The following ARSB variants were observed in gnomAD, a reference collection of about 807,000 sequenced individuals.
ARSB encodes the protein arylsulfatase B.
A neutral mutation model predicts 50.9 loss-of-function variants in ARSB; 41 were observed. The observed-to-expected ratio is 0.81, with a 90% CI of 0.63 to 1.04. The LOEUF is 1.04. Ranked by LOEUF, ARSB falls within the 50% of genes least tolerant of loss-of-function variation. ARSB has a pLI of 0.00. For missense variants in ARSB, 672 were observed against 693.3 expected, an observed-to-expected ratio of 0.97 and a Z score of 0.35; for synonymous variants, 269 against 284.8, an observed-to-expected ratio of 0.94 and a Z score of 0.56.
intron 5 of ARSB, among the ~76,000 whole-genome samples, chr5:78,866,551 G>C (rs1349717953): frequency 6.6e-6 from 1 of 152,196 alleles, no homozygotes; most frequent in African/African-American, 2.4e-5. Flanking sequence ...TGTTGATAGA[G>C]GTCTCATACC....
intron 4 of ARSB, among the ~76,000 whole-genome samples, chr5:78,936,121 C>T (rs1300671779): frequency 7.5e-5 from 7 of 93,338 alleles, no homozygotes; most frequent in African/African-American, 3.2e-4. Context: ...CCCTTCCTCT[C>T]TCTCTCTCTT....
At chr5:78,804,026 G>A (rs1036900588) in intron 6 of ARSB, among the ~76,000 whole-genome samples, 1 of 152,196 alleles carries the variant, frequency 6.6e-6, no homozygotes, top group Admixed American at 6.5e-5. Flanking sequence ...CAGTCCTGCT[G>A]AGTGAAAGGT....
chr5:78,858,545 A>C (rs1294342582), intron 5 of ARSB, among the ~76,000 whole-genome samples: 2 of 152,224 alleles, frequency 1.3e-5, no homozygotes, highest in Non-Finnish European at 2.9e-5. Flanking sequence ...AGGGTGGGGC[A>C]ACAAAACATT....
chr5:78,781,197 A>G, intron 7 of ARSB, among the ~76,000 whole-genome samples: 1 of 152,036 alleles, frequency 6.6e-6, no homozygotes, highest in East Asian at 1.9e-4. Context: ...TCTCTTTGTT[A>G]GCTAAATGTG....
At chr5:78,945,931 A>T (rs1407768301) in intron 4 of ARSB, among the ~76,000 whole-genome samples, 1 of 152,170 alleles carries the variant, frequency 6.6e-6, no homozygotes, top group African/African-American at 2.4e-5. Context: ...TATTGTGTGC[A>T]GACAGCACCC....
chr5:78,894,345 A>G (rs1748470946), intron 4 of ARSB, among the ~76,000 whole-genome samples: 1 of 152,248 alleles, frequency 6.6e-6, no homozygotes, highest in African/African-American at 2.4e-5. Context: ...TGTCTTTATG[A>G]TTCCAAGTAT....
At chr5:78,968,315 T>TA (rs1392315781) in intron 2 of ARSB, among the ~76,000 whole-genome samples, 5 of 143,128 alleles carry the variant, frequency 3.5e-5, no homozygotes, top group Non-Finnish European at 6.1e-5. Context: ...CATTTTTTAT[T>TA]TTATTATTAT....
At chr5:78,796,890 T>C (rs1029734177) in intron 6 of ARSB, among the ~76,000 whole-genome samples, 8 of 148,882 alleles carry the variant, frequency 5.4e-5, no homozygotes, top group Admixed American at 5.3e-4. Context: ...TTTTTTTTTT[T>C]TTTTTGAGAC....
intron 3 of ARSB, among the ~76,000 whole-genome samples, chr5:78,960,796 C>A (rs1207017635): frequency 6.6e-6 from 1 of 152,172 alleles, no homozygotes; most frequent in African/African-American, 2.4e-5. Context: ...AACTCCTAAC[C>A]TCACAATCCA....
intron 4 of ARSB, among the ~76,000 whole-genome samples, chr5:78,909,743 T>C (rs1749219851): frequency 6.6e-6 from 1 of 152,144 alleles, no homozygotes; most frequent in South Asian, 2.1e-4. Context: ...TATGGCCTTG[T>C]GGGATGGGAA....
chr5:78,981,602 T>C (rs1280485864), intron 1 of ARSB, among the ~76,000 whole-genome samples: 2 of 152,228 alleles, frequency 1.3e-5, no homozygotes, highest in Non-Finnish European at 2.9e-5. Flanking sequence ...TAAATTAATT[T>C]AGAGCTAGAC....
chr5:78,833,229 C>T (rs35800814), intron 6 of ARSB, among the ~76,000 whole-genome samples: 30,743 of 152,046 alleles, frequency 0.2, 3,876 homozygotes, highest in Non-Finnish European at 0.27. Context: ...TGGCTGTTCC[C>T]CACCACTTTA....
intron 4 of ARSB, among the ~76,000 whole-genome samples, chr5:78,890,660 A>G (rs963195523): frequency 7.9e-5 from 12 of 152,074 alleles, no homozygotes; most frequent in African/African-American, 2.9e-4. Context: ...TTGCTTTCCA[A>G]TCAGGGAAAA....
chr5:78,904,833 C>A (rs1177657163), intron 4 of ARSB, among the ~76,000 whole-genome samples: 1 of 151,808 alleles, frequency 6.6e-6, no homozygotes, highest in East Asian at 1.9e-4. Flanking sequence ...GGACGACAGG[C>A]GTGTGCCACC....
chr5:78,820,304 T>C (rs569328156), intron 6 of ARSB, among the ~76,000 whole-genome samples: 1 of 152,326 alleles, frequency 6.6e-6, no homozygotes, highest in South Asian at 2.1e-4. Context: ...TTTAGGGATA[T>C]TTAGGAAACA....
chr5:78,802,273 C>G (rs1322190312), intron 6 of ARSB, among the ~76,000 whole-genome samples: 1 of 151,678 alleles, frequency 6.6e-6, no homozygotes, highest in Non-Finnish European at 1.5e-5. Context: ...ACACGTCTTA[C>G]AATTTATCAT....
chr5:78,943,394 A>C (rs1371350192), intron 4 of ARSB, among the ~76,000 whole-genome samples: 1 of 152,154 alleles, frequency 6.6e-6, no homozygotes, highest in Non-Finnish European at 1.5e-5. Context: ...ACAATTTGGC[A>C]TGTTTTTGCA....
At chr5:78,850,599 T>C (rs1215822344) in intron 5 of ARSB, among the ~76,000 whole-genome samples, 1 of 152,208 alleles carries the variant, frequency 6.6e-6, no homozygotes, top group Non-Finnish European at 1.5e-5. Context: ...GGATTCTCTC[T>C]TTTTCTATTG....
At chr5:78,865,106 C>A (rs533913431) in intron 5 of ARSB, among the ~76,000 whole-genome samples, 5 of 48,504 alleles carry the variant, frequency 1.0e-4, no homozygotes, top group African/African-American at 4.2e-4. Context: ...CTCACAGCTC[C>A]ACTAGGACTC....
Sources: allele counts gnomAD v4.1 joint callset (sites outside exome capture counted in the v4.1 genomes callset), GRCh38; gene constraint gnomAD v4.1.1; transcripts MANE v1.5; gene names NCBI Gene and HGNC (gene_info 2026-07-23, HGNC 2026-07-21).